GALNTL6: variants seen among roughly 807,000 people sequenced by gnomAD.
GALNTL6 encodes the protein polypeptide N-acetylgalactosaminyltransferase like 6, also known as polypeptide N-acetylgalactosaminyltransferase-like 6.
GALNTL6 carries 46 observed loss-of-function variants against 73.7 expected under a neutral mutation model. The observed-to-expected ratio is 0.62, with a 90% CI of 0.49 to 0.80. The LOEUF is 0.80. Ranked by LOEUF, GALNTL6 falls within the 30% of genes least tolerant of loss-of-function variation. The pLI, the probability that GALNTL6 is intolerant of heterozygous loss-of-function variation, is 0.00. For missense variants in GALNTL6, 604 were observed against 755.0 expected, an observed-to-expected ratio of 0.80 and a Z score of 2.34; for synonymous variants, 259 against 263.7, an observed-to-expected ratio of 0.98 and a Z score of 0.17.
chr4:172,933,893 C>A (rs762547238), intron 9 of GALNTL6, among the ~76,000 whole-genome samples: 33 of 152,180 alleles, frequency 2.2e-4, no homozygotes, highest in Non-Finnish European at 4.3e-4. Context: ...TCAATTAATT[C>A]TTCAAAAATG....
intron 5 of GALNTL6, among the ~76,000 whole-genome samples, chr4:172,770,610 T>C (rs1383435882): frequency 6.6e-6 from 1 of 152,338 alleles, no homozygotes; most frequent in East Asian, 1.9e-4. Flanking sequence ...ATTTTTCCAA[T>C]TGCAAATGCA....
intron 2 of GALNTL6, among the ~76,000 whole-genome samples, chr4:172,227,507 G>T (rs1237378880): frequency 2.0e-5 from 3 of 152,012 alleles, no homozygotes; most frequent in African/African-American, 7.3e-5. Context: ...GAACCCAGAA[G>T]AGTCTAACTG....
intron 5 of GALNTL6, among the ~76,000 whole-genome samples, chr4:172,713,334 A>G (rs1734842104): frequency 6.6e-6 from 1 of 151,372 alleles, no homozygotes; most frequent in South Asian, 2.1e-4. Context: ...TGGCAGGTCC[A>G]AAGTCTGCAG....
intron 12 of GALNTL6, among the ~76,000 whole-genome samples, chr4:173,035,180 C>CTTT (rs5864181): frequency 1.5e-4 from 21 of 136,630 alleles, no homozygotes; most frequent in African/African-American, 2.5e-4. Flanking sequence ...GTGCCATGCT[C>CTTT]TTTTTTTTTT....
chr4:172,151,054 A>G (rs1381026369), intron 2 of GALNTL6, among the ~76,000 whole-genome samples: 2 of 152,210 alleles, frequency 1.3e-5, no homozygotes, highest in Non-Finnish European at 2.9e-5. Context: ...GAACACATCC[A>G]GTGATATTAG....
intron 11 of GALNTL6, among the ~76,000 whole-genome samples, chr4:173,011,351 T>C (rs913810781): frequency 6.6e-6 from 1 of 152,202 alleles, no homozygotes; most frequent in African/African-American, 2.4e-5. Flanking sequence ...GCAGAAGCTT[T>C]TTAGTTTGAT....
intron 5 of GALNTL6, among the ~76,000 whole-genome samples, chr4:172,413,738 A>G (rs1178213562): frequency 6.6e-6 from 1 of 152,042 alleles, no homozygotes; most frequent in East Asian, 1.9e-4. Context: ...CTGAAAGGGA[A>G]AAGTGCCCTC....
At chr4:172,411,969 G>A (rs1303937154) in intron 5 of GALNTL6, among the ~76,000 whole-genome samples, 1 of 151,828 alleles carries the variant, frequency 6.6e-6, no homozygotes, top group Non-Finnish European at 1.5e-5. Context: ...ATACTCTTAA[G>A]AAGAAAGAAA....
chr4:172,749,161 T>A (rs186441121), intron 5 of GALNTL6, among the ~76,000 whole-genome samples: 11 of 152,140 alleles, frequency 7.2e-5, no homozygotes, highest in Non-Finnish European at 1.5e-4. Flanking sequence ...CAATTATTAT[T>A]TGTCAATTAA....
Position 172,782,740 on chromosome 4 carries a change from G to C in GALNTL6, c.554-26621G>C, listed in dbSNP as rs577752372. 8.5e-5 allele frequency among the ~76,000 whole-genome samples: 13 copies of C among 152,196 alleles called. No individual in the cohort carries two copies. The East Asian group carries it at 1.5e-3, about 18-fold the overall frequency. On this transcript the variant is annotated intron_variant, in intron 5 of 12. Transcript: ENST00000506823. ...TGGGTTAAGATTAGCCTTCACACTA[G>C]TGCATTCATTAAATTGTCACCAGAA...
At chr4:172,880,136 GTTATTCCACTTCTAGGAA>G (rs1745381772) in intron 7 of GALNTL6, among the ~76,000 whole-genome samples, 2 of 151,940 alleles carry the variant, frequency 1.3e-5, no homozygotes, top group Non-Finnish European at 2.9e-5. Flanking sequence ...ATATGATCTA[GTTATTCCACTTCTAGGAA>G]TATTCCCAGG....
chr4:171,999,366 G>A (rs1237775951), intron 2 of GALNTL6, among the ~76,000 whole-genome samples: 1 of 152,104 alleles, frequency 6.6e-6, no homozygotes, highest in Non-Finnish European at 1.5e-5. Flanking sequence ...TAGAAATAAT[G>A]GCAAATGGTT....
intron 2 of GALNTL6, among the ~76,000 whole-genome samples, chr4:172,011,167 A>G (rs1225426391): frequency 3.9e-5 from 6 of 152,126 alleles, no homozygotes; most frequent in Non-Finnish European, 7.4e-5. Flanking sequence ...ATTCCGTCAT[A>G]GAGGAACTGA....
intron 2 of GALNTL6, among the ~76,000 whole-genome samples, chr4:172,018,430 A>G (rs1043266640): frequency 6.6e-6 from 1 of 151,976 alleles, no homozygotes; most frequent in African/African-American, 2.4e-5. Context: ...TTCTGGGGTA[A>G]TGTTCCAGAG....
At chr4:172,720,833 A>G (rs962031266) in intron 5 of GALNTL6, among the ~76,000 whole-genome samples, 1 of 152,120 alleles carries the variant, frequency 6.6e-6, no homozygotes, top group East Asian at 1.9e-4. Flanking sequence ...TACCTTTCTT[A>G]TCTAAAGAAA....
chr4:172,736,401 G>T (rs1183941340), intron 5 of GALNTL6, among the ~76,000 whole-genome samples: 1 of 152,136 alleles, frequency 6.6e-6, no homozygotes, highest in African/African-American at 2.4e-5. Flanking sequence ...ACTCTATTCT[G>T]CCCAGCCCCA....
chr4:172,489,320 A>T (rs184199224), intron 5 of GALNTL6, among the ~76,000 whole-genome samples: 5 of 152,322 alleles, frequency 3.3e-5, no homozygotes, highest in Admixed American at 3.3e-4. Context: ...ACATTAGCAA[A>T]CCCATAAACA....
chr4:173,001,290 C>A (rs1284968605), intron 10 of GALNTL6, among the ~76,000 whole-genome samples: 1 of 152,174 alleles, frequency 6.6e-6, no homozygotes, highest in Non-Finnish European at 1.5e-5. Flanking sequence ...GTGGTGCTTT[C>A]CTTCGGAAGC....
At chr4:172,395,625 T>C (rs1743821371) in intron 5 of GALNTL6, among the ~76,000 whole-genome samples, 1 of 152,144 alleles carries the variant, frequency 6.6e-6, no homozygotes. Flanking sequence ...ATTGACCATG[T>C]ATATTGTGTT....
Sources: gnomAD v4.1 joint callset for allele counts (sites outside exome capture counted in the v4.1 genomes callset) on GRCh38, gnomAD v4.1.1 for gene constraint, MANE v1.5 for transcripts, NCBI Gene and HGNC (gene_info 2026-07-23, HGNC 2026-07-21) for gene names.